Variants in OR2M4 observed in about 807,000 individuals in gnomAD.
The protein encoded by OR2M4 is olfactory receptor 2M4.
A neutral mutation model predicts 13.7 loss-of-function variants in OR2M4; 8 were observed. That is an observed-to-expected ratio of 0.58 (90% CI 0.34 to 1.05). The LOEUF is 1.05. Among genes scored for constraint, OR2M4 ranks in the 50% least tolerant of loss-of-function variants. OR2M4 has a pLI of 0.02. For missense variants in OR2M4, 374 were observed against 381.6 expected (o/e 0.98, Z 0.17); for synonymous variants, 152 against 141.3 (o/e 1.08, Z -0.53).
rs1379276089 is a variant in OR2M4, at chr1:248,241,542, G to A, written c.*1678G>A. The A allele has an allele frequency of 1.3e-5, 2 of 152,020 alleles. No homozygotes were observed. The highest frequency in any genetic ancestry group is 4.8e-5 in the African/African-American group (2 of 41,370). 9.4% of individuals were successfully genotyped at this position (152,020 alleles called of 1,614,324 possible). ...CAAATGTTTTCTAATTTAAAAATGT[G>A]CTAGCAAATTTTAAAAATTAAAACA... is the stretch of plus-strand genomic sequence containing the variant. On this transcript the variant is annotated 3_prime_UTR_variant, in exon 2 of 2. Transcript: ENST00000641868.
intron 1 of OR2M4, among the ~76,000 whole-genome samples, chr1:248,238,480 G>A (rs1013723636): frequency 6.6e-6 from 1 of 152,104 alleles, no homozygotes; most frequent in Non-Finnish European, 1.5e-5. Context: ...ATGCGAACAG[G>A]AATTCTGTTG....
At position 248,244,596 on chromosome 1, in the gene OR2M4, C is replaced by T. The variant is rs999164301; in HGVS notation, c.*4732C>T. ...AAAACTACCTATGGGATACTATGCT[C>T]ACAACCTGGGTGATGGGATCTATAC... is the stretch of plus-strand genomic sequence containing the variant. On this transcript the variant is annotated 3_prime_UTR_variant, in exon 2 of 2. Coordinates refer to ENST00000641868, the MANE Select transcript of OR2M4 (RefSeq NM_017504.2). The T allele has an allele frequency of 4.6e-5, 7 of 152,120 alleles. No individual in the cohort carries two copies. The highest frequency in any genetic ancestry group is 1.7e-4 in the African/African-American group (7 of 41,396). 9.4% of individuals were successfully genotyped at this position (152,120 alleles called of 1,614,324 possible). A position where few individuals can be genotyped will look rare whatever the true frequency, so the allele number is the denominator to read the frequency against.
Position 248,240,195 on chromosome 1 carries a change from A to G in OR2M4, c.*331A>G, listed in dbSNP as rs1242557862. ...TATCAAAAAGCAAAGGTTGGAGTTG[A>G]TCCTCTGTTTTTGGAGAGATGCTTC... is the stretch of plus-strand genomic sequence containing the variant. On this transcript the variant is annotated 3_prime_UTR_variant, in exon 2 of 2. Coordinates refer to ENST00000641868, the MANE Select transcript of OR2M4 (RefSeq NM_017504.2). 1 of 171,630 alleles carries G rather than the reference A, an allele frequency of 5.8e-6. No homozygotes were observed. Among genetic ancestry groups the G allele is most frequent in the African/African-American group, 2.4e-5 (1 of 42,198 alleles). 10.6% of individuals were successfully genotyped at this position (171,630 alleles called of 1,614,324 possible). A position where few individuals can be genotyped will look rare whatever the true frequency, so the allele number is the denominator to read the frequency against.
intron 1 of OR2M4, among the ~76,000 whole-genome samples, chr1:248,238,455 T>C (rs190592821): frequency 6.7e-4 from 101 of 151,858 alleles, no homozygotes; most frequent in Non-Finnish European, 1.2e-3. Flanking sequence ...GGTAGGATGG[T>C]AGGGAAAAAA....
chr1:248,239,156 C>T lies in OR2M4; in HGVS notation c.228C>T (p.Thr76=), dbSNP rs1198483415. ...LSLMDLMLIC[T]TLPKMIFSYL... Reference sequence around the variant, plus strand: ...TTATGGACCTCATGCTCATCTGCACCACTCTACCCAAGATGATCTTCAGCT... The same window carrying T: ...TTATGGACCTCATGCTCATCTGCACTACTCTACCCAAGATGATCTTCAGCT... The change falls in exon 2 of 2, where the codon ACC becomes ACT. Residue 76 remains threonine (T), a synonymous_variant. Transcript: ENST00000641868. 1 of 1,613,952 alleles carries T rather than the reference C, an allele frequency of 6.2e-7. No individual in the cohort carries two copies. The highest frequency in any genetic ancestry group is 8.5e-7 in the Non-Finnish European group (1 of 1,179,862).
chr1:248,239,801 C>T lies in OR2M4; in HGVS notation c.873C>T (p.Ser291=). Residue 291 remains serine (S), a synonymous_variant, in exon 2 of 2, where the codon AGC becomes AGT. Coordinates refer to ENST00000641868, the MANE Select transcript of OR2M4 (RefSeq NM_017504.2). ...CTATGCTGAACCCTCTCATTTATAG[C>T]CTCCGCAACAAAGAAGTGTTCAGGG... is the stretch of plus-strand genomic sequence containing the variant. The part of the protein sequence containing the change: ...LTPMLNPLIY[S]LRNKEVFRAL... 1 of 1,613,948 alleles carries T rather than the reference C, an allele frequency of 6.2e-7. No homozygotes were observed. The highest frequency in any genetic ancestry group is 8.5e-7 in the Non-Finnish European group (1 of 1,179,980).
At position 248,241,686 on chromosome 1, in the gene OR2M4, C is replaced by G. The variant is rs1310650883; in HGVS notation, c.*1822C>G. The G allele has an allele frequency of 6.6e-6, 1 of 152,002 alleles. No homozygotes were observed. The highest frequency in any genetic ancestry group is 1.5e-5 in the Non-Finnish European group (1 of 68,010). 9.4% of individuals were successfully genotyped at this position (152,002 alleles called of 1,614,324 possible). A position where few individuals can be genotyped will look rare whatever the true frequency, so the allele number is the denominator to read the frequency against. ...GGCAGATTATCTGAGGTTGGGAGTT[C>G]AAGGCCAGCCTGACCAACATGGAGA... On this transcript the variant is annotated 3_prime_UTR_variant, in exon 2 of 2. Coordinates refer to ENST00000641868, the MANE Select transcript of OR2M4 (RefSeq NM_017504.2).
chr1:248,234,494 G>A (rs948090957), intron 1 of OR2M4, among the ~76,000 whole-genome samples: 15 of 151,922 alleles, frequency 9.9e-5, no homozygotes, highest in East Asian at 3.9e-4. Flanking sequence ...TTCCCCCACC[G>A]CTGTGTCCAT....
chr1:248,239,365 T>C lies in OR2M4; in HGVS notation c.437T>C (p.Val146Ala). 6.2e-7 allele frequency: 1 copy of C among 1,614,104 alleles called. No homozygotes were observed. The change falls in exon 2 of 2, where the codon GTT becomes GCT. Residue 146 changes from valine (V) to alanine (A), a missense_variant. Coordinates refer to ENST00000641868, the MANE Select transcript of OR2M4 (RefSeq NM_017504.2). ...CCGAAACTCTGTGTCTTCATGACTG[T>C]TGCTTCCTGGACCTTGGGGTCTCTT... ...MNPKLCVFMT[V>A]ASWTLGSLDG...
At chr1:248,237,380 A>G (rs1666568603) in intron 1 of OR2M4, among the ~76,000 whole-genome samples, 1 of 152,150 alleles carries the variant, frequency 6.6e-6, no homozygotes, top group African/African-American at 2.4e-5. Context: ...ATAGCCAGGC[A>G]CGGTGGCTCA....
chr1:248,237,757 T>C (rs1666573308), intron 1 of OR2M4, among the ~76,000 whole-genome samples: 1 of 152,152 alleles, frequency 6.6e-6, no homozygotes, highest in Non-Finnish European at 1.5e-5. Flanking sequence ...TCATAGCCAA[T>C]ATCACGCTGA....
In OR2M4 at chr1:248,240,861, A is replaced by G. The variant is rs569536118; in HGVS notation, c.*997A>G. On this transcript the variant is annotated 3_prime_UTR_variant, in exon 2 of 2. Coordinates refer to ENST00000641868, the MANE Select transcript of OR2M4 (RefSeq NM_017504.2). ...ACAGCAATTGTGAGGCTTTGAGCTC[A>G]GTGCTGTCCTGTAAGAGCAGAAAGG... is the stretch of plus-strand genomic sequence containing the variant. 244 of 152,358 alleles carry G rather than the reference A, an allele frequency of 1.6e-3. 1 individual carries two copies. Among genetic ancestry groups the G allele is most frequent in the African/African-American group, 5.8e-3 (241 of 41,556 alleles). The allele number at this position is 152,358 out of a possible 1,614,324, so 9.4% of individuals were successfully genotyped here.
chr1:248,234,914 A>C (rs1666542718), intron 1 of OR2M4, among the ~76,000 whole-genome samples: 1 of 151,550 alleles, frequency 6.6e-6, no homozygotes, highest in African/African-American at 2.4e-5. Context: ...GACCTTTATC[A>C]TATGGGTAGA....
intron 1 of OR2M4, among the ~76,000 whole-genome samples, chr1:248,235,950 A>G (rs1357366824): frequency 6.6e-6 from 1 of 152,100 alleles, no homozygotes; most frequent in Non-Finnish European, 1.5e-5. Flanking sequence ...GCAAACAGAG[A>G]CAATTTGACT....
chr1:248,234,412 T>TCACATGCA (rs1666536292), intron 1 of OR2M4, among the ~76,000 whole-genome samples: 1 of 152,118 alleles, frequency 6.6e-6, no homozygotes, highest in Admixed American at 6.5e-5. Flanking sequence ...GTATTAAGCC[T>TCACATGCA]CACATGCATT....
intron 1 of OR2M4, among the ~76,000 whole-genome samples, chr1:248,237,816 C>A (rs1222987081): frequency 6.6e-6 from 1 of 152,150 alleles, no homozygotes; most frequent in Non-Finnish European, 1.5e-5. Context: ...ACGAGATGAG[C>A]CACGTTTCAT....
chr1:248,239,918 C>A lies in OR2M4; in HGVS notation c.*54C>A. ...TGTGGTCAACACTCATTCAAAAAAACTGGAATCTCTTAAATTATTCTATTT... is the reference window on the plus strand; with the variant it reads ...TGTGGTCAACACTCATTCAAAAAAAATGGAATCTCTTAAATTATTCTATTT... On this transcript the variant is annotated 3_prime_UTR_variant, in exon 2 of 2. Transcript: ENST00000641868. The A allele has an allele frequency of 9.4e-7, 1 of 1,062,996 alleles. No individual in the cohort carries two copies. The highest frequency in any genetic ancestry group is 1.4e-6 in the Non-Finnish European group (1 of 739,344). 65.8% of individuals were successfully genotyped at this position (1,062,996 alleles called of 1,614,324 possible). A position where few individuals can be genotyped will look rare whatever the true frequency, so the allele number is the denominator to read the frequency against.
At position 248,243,051 on chromosome 1, in the gene OR2M4, G is replaced by A. The variant is rs1049360447; in HGVS notation, c.*3187G>A. On this transcript the variant is annotated 3_prime_UTR_variant, in exon 2 of 2. Coordinates refer to ENST00000641868, the MANE Select transcript of OR2M4 (RefSeq NM_017504.2). The stretch of plus-strand genomic sequence containing the variant: ...GTTTTGAGTATGTTTGGGACATTGC[G>A]TATATGTGAATCTAATTTTTCAACT... 2.6e-4 allele frequency: 40 copies of A among 151,934 alleles called. No individual in the cohort carries two copies. The highest frequency in any genetic ancestry group is 9.4e-4 in the African/African-American group (39 of 41,416). 9.4% of individuals were successfully genotyped at this position (151,934 alleles called of 1,614,324 possible).
At chr1:248,233,602 TTA>T (rs1294281587) in intron 1 of OR2M4, among the ~76,000 whole-genome samples, 1 of 151,980 alleles carries the variant, frequency 6.6e-6, no homozygotes, top group Non-Finnish European at 1.5e-5. Flanking sequence ...TCAAAAAAAA[TTA>T]TATGAGTATG....
Sources: gnomAD v4.1 joint callset for allele counts (sites outside exome capture counted in the v4.1 genomes callset) on GRCh38, gnomAD v4.1.1 for gene constraint, MANE v1.5 for transcripts, NCBI Gene and HGNC (gene_info 2026-07-23, HGNC 2026-07-21) for gene names.